The following ZNF385D variants were observed in gnomAD, a reference collection of about 807,000 sequenced individuals.
ZNF385D encodes zinc finger protein 385D.
ZNF385D carries 15 observed loss-of-function variants against 35.8 expected under a neutral mutation model. The ratio of observed to expected loss-of-function variants is 0.42; its 90% CI spans 0.28 to 0.64. The LOEUF is 0.64. Among genes scored for constraint, ZNF385D ranks in the 30% least tolerant of loss-of-function variants. ZNF385D has a pLI of 0.23. For missense variants in ZNF385D, 474 were observed against 494.6 expected, an observed-to-expected ratio of 0.96 and a Z score of 0.39; for synonymous variants, 212 against 186.8, an observed-to-expected ratio of 1.13 and a Z score of -1.10.
At chr3:21,820,703 T>C (rs1340852253) in intron 3 of ZNF385D, among the ~76,000 whole-genome samples, 1 of 151,510 alleles carries the variant, frequency 6.6e-6, no homozygotes, top group African/African-American at 2.4e-5. Flanking sequence ...AGAGGGACTG[T>C]ATAAATAAGT....
rs183032254 is a variant in ZNF385D, at chr3:21,771,142, T to C, written c.326-106114A>G. Among the ~76,000 whole-genome samples the C allele has an allele frequency of 4.7e-3, 717 of 151,098 alleles. 6 individuals are homozygous for C. The highest frequency in any genetic ancestry group is 0.016 in the African/African-American group (662 of 41,126). On this transcript the variant is annotated intron_variant, in intron 3 of 5. Coordinates refer to the ZNF385D transcript ENST00000494108. ...CATTAGGAGATATACCTAATGTAAA[T>C]GACGAGTTAATGGGTGCAGCACACC...
Position 22,189,912 on chromosome 3 carries a change from C to A in ZNF385D, c.107-20877G>T, listed in dbSNP as rs141961743. Among the ~76,000 whole-genome samples the A allele has an allele frequency of 5.8e-3, 889 of 152,210 alleles. 12 individuals carry two copies. Among genetic ancestry groups the A allele is most frequent in the African/African-American group, 0.02 (838 of 41,546 alleles). On this transcript the variant is annotated intron_variant, in intron 2 of 5. Transcript: ENST00000494108. ...TCCTTCCAAATGATATTAGGATATT[C>A]CAGAAGTGAGCTCTACTTACAGAGC...
chr3:21,725,814 C>A (rs371942826), intron 1 of ZNF385D, among the ~76,000 whole-genome samples: 2 of 152,112 alleles, frequency 1.3e-5, no homozygotes, highest in Non-Finnish European at 2.9e-5. Context: ...AGACAGAATC[C>A]TCCCTAACTC....
chr3:22,171,908 G>C (rs1694477148), intron 2 of ZNF385D, among the ~76,000 whole-genome samples: 1 of 144,734 alleles, frequency 6.9e-6, no homozygotes. Context: ...AAAAATTATA[G>C]ATTTTGCAGG....
intron 2 of ZNF385D, among the ~76,000 whole-genome samples, chr3:22,276,666 A>G (rs1701445462): frequency 6.6e-6 from 1 of 152,138 alleles, no homozygotes; most frequent in African/African-American, 2.4e-5. Flanking sequence ...AATCATCATC[A>G]TGCATTTCAC....
At chr3:22,117,147 C>G (rs1004665574) in intron 3 of ZNF385D, among the ~76,000 whole-genome samples, 5 of 151,958 alleles carry the variant, frequency 3.3e-5, no homozygotes, top group Admixed American at 3.3e-4. Context: ...CTAAAACATA[C>G]TTATGTTAAC....
intron 3 of ZNF385D, among the ~76,000 whole-genome samples, chr3:22,105,601 T>C (rs988926774): frequency 4.0e-5 from 6 of 149,504 alleles, no homozygotes; most frequent in Non-Finnish European, 3.0e-5. Flanking sequence ...TAGATCACAG[T>C]TCAGGTCTGA....
intron 2 of ZNF385D, among the ~76,000 whole-genome samples, chr3:21,620,522 T>C (rs2064973824): frequency 6.6e-6 from 1 of 152,166 alleles, no homozygotes; most frequent in Non-Finnish European, 1.5e-5. Context: ...CAATGCAGAC[T>C]GGGATTCATA....
In ZNF385D at chr3:21,709,232, C is replaced by T. The variant is rs368661397; in HGVS notation, c.22+41663G>A. ...CACGTTCCTTTCAGAAACAATGATA[C>T]ACATAAATTCACTGTGCTTTGATGA... On this transcript the variant is annotated intron_variant, in intron 1 of 7. Transcript: ENST00000281523. Among the ~76,000 whole-genome samples, 12 of 152,146 alleles carry T rather than the reference C, an allele frequency of 7.9e-5. No individual in the cohort carries two copies. The East Asian group carries it at 2.3e-3, about 29-fold the overall frequency.
chr3:22,253,257 T>C (rs918105485), intron 2 of ZNF385D, among the ~76,000 whole-genome samples: 1 of 151,936 alleles, frequency 6.6e-6, no homozygotes, highest in Non-Finnish European at 1.5e-5. Context: ...TAGATTTTAA[T>C]GGTAGGATGG....
At chr3:22,311,143 G>A (rs919889479) in intron 2 of ZNF385D, among the ~76,000 whole-genome samples, 1 of 151,730 alleles carries the variant, frequency 6.6e-6, no homozygotes, top group Admixed American at 6.6e-5. Context: ...AGGAGAAAAA[G>A]GAAGCAGAAT....
chr3:22,264,936 T>C (rs1700821409), intron 2 of ZNF385D, among the ~76,000 whole-genome samples: 1 of 151,978 alleles, frequency 6.6e-6, no homozygotes, highest in African/African-American at 2.4e-5. Context: ...ATCTGGGTTC[T>C]GTAGTAGCCT....
intron 3 of ZNF385D, among the ~76,000 whole-genome samples, chr3:21,785,586 C>T (rs1483561997): frequency 1.3e-5 from 2 of 152,196 alleles, no homozygotes; most frequent in Non-Finnish European, 2.9e-5. Flanking sequence ...CTGGCAACCA[C>T]CATCCTACTC....
chr3:22,094,180 T>C lies in ZNF385D; in HGVS notation c.325+74637A>G, dbSNP rs184681718. Among the ~76,000 whole-genome samples the C allele has an allele frequency of 2.2e-3, 337 of 151,816 alleles. 1 individual carries two copies. Among genetic ancestry groups the C allele is most frequent in the African/African-American group, 6.8e-3 (284 of 41,466 alleles). ...ATATTCTAATTTTCCTTTCTACCAA[T>C]TATATTATTCATCTTTTGGTTGTTC... On this transcript the variant is annotated intron_variant, in intron 3 of 5. Coordinates refer to the ZNF385D transcript ENST00000494108.
At chr3:22,020,039 C>A (rs1559854298) in intron 3 of ZNF385D, among the ~76,000 whole-genome samples, 4 of 151,670 alleles carry the variant, frequency 2.6e-5, no homozygotes, top group African/African-American at 9.7e-5. Flanking sequence ...ATATTATTAA[C>A]TTTATTTTTA....
intron 4 of ZNF385D, among the ~76,000 whole-genome samples, chr3:21,440,319 C>A (rs533875336): frequency 6.6e-6 from 1 of 152,112 alleles, no homozygotes; most frequent in African/African-American, 2.4e-5. Flanking sequence ...TGAAAATTAC[C>A]TCTGTGGGCT....
At chr3:22,363,368 T>A (rs1039014211) in intron 2 of ZNF385D, among the ~76,000 whole-genome samples, 1 of 152,094 alleles carries the variant, frequency 6.6e-6, no homozygotes, top group Non-Finnish European at 1.5e-5. Flanking sequence ...AGGGGAAAAA[T>A]GGATAGGGCA....
intron 3 of ZNF385D, among the ~76,000 whole-genome samples, chr3:22,036,147 A>G (rs528673351): frequency 2.0e-5 from 3 of 152,328 alleles, no homozygotes; most frequent in Admixed American, 1.3e-4. Flanking sequence ...AAATGTGGTT[A>G]TAACAGTAGA....
chr3:21,567,330 C>G (rs1295976762), intron 2 of ZNF385D, among the ~76,000 whole-genome samples: 1 of 152,142 alleles, frequency 6.6e-6, no homozygotes, highest in African/African-American at 2.4e-5. Context: ...GGATTCTTCT[C>G]TACATATACT....
Sources: gnomAD v4.1 joint callset for allele counts (sites outside exome capture counted in the v4.1 genomes callset) on GRCh38, gnomAD v4.1.1 for gene constraint, MANE v1.5 for transcripts, NCBI Gene and HGNC (gene_info 2026-07-23, HGNC 2026-07-21) for gene names.